CPVL: variants seen among roughly 807,000 people sequenced by gnomAD.
CPVL encodes the protein carboxypeptidase vitellogenic like, also known as probable serine carboxypeptidase CPVL.
Under a neutral mutation model 63.7 loss-of-function variants are expected in CPVL, and 51 were observed. That is an observed-to-expected ratio of 0.80 (90% CI 0.64 to 1.01). The LOEUF (loss-of-function observed/expected upper bound fraction) is 1.01, where lower values mean the gene tolerates loss of function less well. Ranked by LOEUF, CPVL falls within the 50% of genes least tolerant of loss-of-function variation. The pLI, the probability that CPVL is intolerant of heterozygous loss-of-function variation, is 0.00. For missense variants in CPVL, 530 were observed against 573.1 expected (o/e 0.92, Z 0.77); for synonymous variants, 195 against 206.0 (o/e 0.95, Z 0.46).
At chr7:29,083,747 T>C (rs1784956289) in intron 7 of CPVL, among the ~76,000 whole-genome samples, 1 of 152,174 alleles carries the variant, frequency 6.6e-6, no homozygotes, top group Non-Finnish European at 1.5e-5. Context: ...CTAAAGCTGC[T>C]TTAAATAGGG....
intron 11 of CPVL, among the ~76,000 whole-genome samples, chr7:29,034,199 G>C (rs183554514): frequency 6.6e-6 from 1 of 152,232 alleles, no homozygotes; most frequent in Admixed American, 6.5e-5. Context: ...CCAACTGCTG[G>C]ACTCAAGCCA....
intron 2 of CPVL, among the ~76,000 whole-genome samples, chr7:29,115,094 T>A (rs1368060124): frequency 6.6e-6 from 1 of 152,214 alleles, no homozygotes; most frequent in African/African-American, 2.4e-5. Context: ...CTGAGCCTCT[T>A]TCCTTTTATG....
At chr7:29,147,268 A>G, upstream of CPVL, 1 of 324,432 alleles carries the variant, frequency 3.1e-6, no homozygotes, top group African/African-American at 2.1e-5. Flanking sequence ...TATCAGCAAC[A>G]GCAGCGTCAA....
intron 11 of CPVL, among the ~76,000 whole-genome samples, chr7:29,055,248 T>C (rs1396150666): frequency 6.6e-6 from 1 of 152,044 alleles, no homozygotes; most frequent in Non-Finnish European, 1.5e-5. Flanking sequence ...TTTCTTTTCA[T>C]TTATTTATTT....
chr7:29,152,906 C>T (rs188835790), intron 5 of CPVL, among the ~76,000 whole-genome samples: 18 of 152,304 alleles, frequency 1.2e-4, no homozygotes, highest in Admixed American at 1.2e-3. Context: ...AATTCTTTGC[C>T]CAAATGTCCA....
At chr7:29,166,847 C>G (rs546504374) in intron 5 of CPVL, among the ~76,000 whole-genome samples, 1 of 151,968 alleles carries the variant, frequency 6.6e-6, no homozygotes, top group East Asian at 1.9e-4. Context: ...TTTTCTATTT[C>G]CTGTACCTTC....
chr7:29,180,683 G>A (rs1364409091), intron 5 of CPVL, among the ~76,000 whole-genome samples: 2 of 152,218 alleles, frequency 1.3e-5, no homozygotes, highest in Non-Finnish European at 2.9e-5. Context: ...TATGTAAAGA[G>A]TTATTACAAA....
intron 12 of CPVL, among the ~76,000 whole-genome samples, chr7:29,015,704 G>A (rs1786339668): frequency 1.3e-5 from 2 of 152,098 alleles, no homozygotes; most frequent in African/African-American, 2.4e-5. Context: ...CTAATACAGC[G>A]GGGCATGTAG....
chr7:29,146,780 C>T, upstream of CPVL: 1 of 1,549,070 alleles, frequency 6.5e-7, no homozygotes, highest in Non-Finnish European at 8.7e-7. Flanking sequence ...TTGATTTTGT[C>T]TCCCAGTTTT....
chr7:29,176,116 G>A (rs913632551), intron 5 of CPVL, among the ~76,000 whole-genome samples: 4 of 151,938 alleles, frequency 2.6e-5, no homozygotes, highest in Admixed American at 6.6e-5. Context: ...AACCTGGGAG[G>A]CGGAGCTTAC....
chr7:28,998,603 G>A (rs1314454604), intron 12 of CPVL, among the ~76,000 whole-genome samples: 2 of 152,108 alleles, frequency 1.3e-5, no homozygotes, highest in Non-Finnish European at 2.9e-5. Context: ...TGCCCGGCCT[G>A]GGATGGTCTT....
intron 11 of CPVL, among the ~76,000 whole-genome samples, chr7:29,044,200 T>G (rs1194041599): frequency 6.6e-6 from 1 of 152,028 alleles, no homozygotes; most frequent in Non-Finnish European, 1.5e-5. Flanking sequence ...GTTCAAGACC[T>G]GAAGTGAGGA....
At chr7:29,008,337 T>C (rs777157259) in intron 12 of CPVL, among the ~76,000 whole-genome samples, 1 of 152,158 alleles carries the variant, frequency 6.6e-6, no homozygotes, top group Non-Finnish European at 1.5e-5. Context: ...TAGTGAGTGG[T>C]TTTAAACAAG....
At chr7:29,181,528 TAAC>T (rs1387213190) in intron 4 of CPVL, 1 of 152,172 alleles carries the variant, frequency 6.6e-6, no homozygotes, top group African/African-American at 2.4e-5. Context: ...AATGGAGGAA[TAAC>T]AACATGAATT....
intron 5 of CPVL, among the ~76,000 whole-genome samples, chr7:29,173,169 A>G (rs1418420884): frequency 6.6e-6 from 1 of 152,094 alleles, no homozygotes; most frequent in Non-Finnish European, 1.5e-5. Flanking sequence ...TAGTTTTTAA[A>G]AAAACATTTT....
At chr7:29,011,352 T>G (rs552308775) in intron 12 of CPVL, 1 of 152,442 alleles carries the variant, frequency 6.6e-6, no homozygotes, top group East Asian at 1.9e-4. Flanking sequence ...GGCAAGAGGA[T>G]CACTTGAGCT....
intron 5 of CPVL, among the ~76,000 whole-genome samples, chr7:29,158,813 A>C (rs530198326): frequency 6.6e-6 from 1 of 152,326 alleles, no homozygotes; most frequent in African/African-American, 2.4e-5. Context: ...TTAAATATTT[A>C]CAGATGCTTA....
rs546017755 is a variant in CPVL at position 29,175,301 on chromosome 7, A to G, written c.-11+5989T>C. 2.8e-4 allele frequency among the ~76,000 whole-genome samples: 43 copies of G among 151,598 alleles called. No homozygotes were observed. The East Asian group carries it at 6.8e-3, about 24-fold the overall frequency. ...GTGATTCTCCTGCCTCAGCCCCCTC[A>G]GTAGCTGGGATTACAGGCGCATGCC... On this transcript the variant is annotated intron_variant, in intron 5 of 16. Transcript: ENST00000409850.
At chr7:29,074,725 G>GCTCT (rs140532968) in intron 7 of CPVL, among the ~76,000 whole-genome samples, 9 of 146,706 alleles carry the variant, frequency 6.1e-5, no homozygotes, top group African/African-American at 1.5e-4. Flanking sequence ...CCCTGCCCAT[G>GCTCT]CTCTCTCTCT....
Sources: gnomAD v4.1 joint callset for allele counts (sites outside exome capture counted in the v4.1 genomes callset) on GRCh38, gnomAD v4.1.1 for gene constraint, MANE v1.5 for transcripts, NCBI Gene and HGNC (gene_info 2026-07-23, HGNC 2026-07-21) for gene names.